Variants in RNF144A observed in about 807,000 individuals in gnomAD.
RNF144A encodes ring finger protein 144A.
RNF144A carries 11 observed loss-of-function variants against 38.7 expected under a neutral mutation model. The ratio of observed to expected loss-of-function variants is 0.28; its 90% CI spans 0.18 to 0.47. RNF144A has a LOEUF of 0.47. Among genes scored for constraint, RNF144A ranks in the 20% least tolerant of loss-of-function variants. RNF144A has a pLI of 0.99. For missense variants in RNF144A, 316 were observed against 377.2 expected, an observed-to-expected ratio of 0.84 and a Z score of 1.34; for synonymous variants, 149 against 143.9, an observed-to-expected ratio of 1.04 and a Z score of -0.25.
downstream of RNF144A, among the ~76,000 whole-genome samples, chr2:7,070,474 A>G (rs562908357): frequency 2.6e-5 from 4 of 152,368 alleles, no homozygotes; most frequent in Admixed American, 6.5e-5. Context: ...TACTACTAGT[A>G]TGAGCCTGTT....
In RNF144A at chr2:7,004,582, G is replaced by A. The variant is rs564278694; in HGVS notation, c.135+7521G>A. 4.6e-5 allele frequency among the ~76,000 whole-genome samples: 7 copies of A among 152,328 alleles called. 1 individual carries two copies. The South Asian group carries it at 1.0e-3, about 23-fold the overall frequency. On this transcript the variant is annotated intron_variant, in intron 3 of 8. Transcript: ENST00000320892. ...GCATTCTTGATTTGAAACTTATCCT[G>A]TACAGGAAGCGCCTTCCTGAGTGAA...
intron 2 of RNF144A, among the ~76,000 whole-genome samples, chr2:6,982,115 T>A (rs1366019308): frequency 2.6e-5 from 4 of 152,206 alleles, no homozygotes; most frequent in Non-Finnish European, 5.9e-5. Flanking sequence ...TCCCACCAGG[T>A]CTGTTCATGG....
intron 3 of RNF144A, among the ~76,000 whole-genome samples, chr2:7,012,637 G>A (rs182968560): frequency 1.1e-4 from 17 of 152,334 alleles, no homozygotes; most frequent in Admixed American, 7.2e-4. Flanking sequence ...CACTTAACAC[G>A]TCTGCGGATG....
At chr2:6,985,871 T>G (rs563125446) in intron 2 of RNF144A, among the ~76,000 whole-genome samples, 1 of 152,298 alleles carries the variant, frequency 6.6e-6, no homozygotes, top group South Asian at 2.1e-4. Context: ...AGGCGGGGTT[T>G]CACCGTGTTA....
chr2:6,980,140 A>T lies in RNF144A; in HGVS notation c.-11-16776A>T, dbSNP rs528155842. Among the ~76,000 whole-genome samples the T allele has an allele frequency of 2.6e-5, 4 of 152,322 alleles. No homozygotes were observed. In the South Asian group the frequency reaches 8.3e-4, roughly 32 times the overall value. ...GTCTGTTGTCCCTCAACATGTGAAG[A>T]TTACAATTTGACATGAGGATTTGGG... On this transcript the variant is annotated intron_variant, in intron 2 of 8. Coordinates refer to ENST00000320892, the MANE Select transcript of RNF144A (RefSeq NM_014746.6).
At chr2:6,980,321 GAGACA>G (rs1463241403) in intron 2 of RNF144A, among the ~76,000 whole-genome samples, 1 of 152,192 alleles carries the variant, frequency 6.6e-6, no homozygotes, top group African/African-American at 2.4e-5. Context: ...AGTCTCATCT[GAGACA>G]AGACAAGTCC....
chr2:6,928,898 C>T (rs1449674055), intron 1 of RNF144A, among the ~76,000 whole-genome samples: 1 of 152,174 alleles, frequency 6.6e-6, no homozygotes, highest in Non-Finnish European at 1.5e-5. Context: ...CTCTTCCTGC[C>T]ACTTCTGGGG....
At chr2:6,969,449 C>T (rs990835591) in intron 2 of RNF144A, among the ~76,000 whole-genome samples, 4 of 152,154 alleles carry the variant, frequency 2.6e-5, no homozygotes, top group African/African-American at 4.8e-5. Context: ...TCCTTCCTCC[C>T]AGCCTCAGAA....
intron 6 of RNF144A, among the ~76,000 whole-genome samples, chr2:7,049,223 T>C (rs309293): frequency 0.59 from 89,302 of 152,014 alleles, 26,698 homozygotes; most frequent in South Asian, 0.89. Flanking sequence ...GGGTAAGGGA[T>C]GAGAAACAGA....
At chr2:6,972,879 A>G (rs980530462) in intron 2 of RNF144A, among the ~76,000 whole-genome samples, 9 of 152,202 alleles carry the variant, frequency 5.9e-5, no homozygotes, top group African/African-American at 1.9e-4. Flanking sequence ...CAGTGGGGGT[A>G]ATAGTTATAA....
chr2:7,050,682 C>A (rs552509880), intron 6 of RNF144A, among the ~76,000 whole-genome samples: 16 of 152,320 alleles, frequency 1.1e-4, no homozygotes, highest in African/African-American at 3.8e-4. Context: ...GCCTATATTT[C>A]AGTAGCATAA....
At position 7,043,520 on chromosome 2, in the gene RNF144A, C is replaced by G; in HGVS notation, c.*3760C>G. ...GGGAAAACATTTTGCATGTGTAAAG[C>G]TTCATGAAGTTCTCTTTAAAAAATA... On this transcript the variant is annotated 3_prime_UTR_variant, in exon 9 of 9. Coordinates refer to ENST00000320892, the MANE Select transcript of RNF144A (RefSeq NM_014746.6). 1 of 985,484 alleles carries G rather than the reference C, an allele frequency of 1.0e-6. No individual in the cohort carries two copies. The highest frequency in any genetic ancestry group is 1.2e-6 in the Non-Finnish European group (1 of 829,694). The allele number at this position is 985,484 out of a possible 1,614,324, so 61.0% of individuals were successfully genotyped here.
intron 3 of RNF144A, among the ~76,000 whole-genome samples, chr2:7,000,117 A>C: frequency 6.6e-6 from 1 of 152,252 alleles, no homozygotes; most frequent in African/African-American, 2.4e-5. Context: ...TGCCTGGTGG[A>C]TTCTTCGTGA....
intron 7 of RNF144A, among the ~76,000 whole-genome samples, chr2:7,027,032 A>G (rs1671949373): frequency 6.6e-6 from 1 of 152,282 alleles, no homozygotes; most frequent in African/African-American, 2.4e-5. Context: ...CGACAAGCAC[A>G]TAAATGCACG....
At chr2:6,988,748 AC>A (rs1355685579) in intron 2 of RNF144A, among the ~76,000 whole-genome samples, 3 of 152,104 alleles carry the variant, frequency 2.0e-5, no homozygotes, top group Admixed American at 6.5e-5. Flanking sequence ...GTCATTCTCT[AC>A]AGCCCACTTC....
At chr2:6,938,952 G>A (rs1224761233) in intron 1 of RNF144A, among the ~76,000 whole-genome samples, 2 of 152,000 alleles carry the variant, frequency 1.3e-5, no homozygotes, top group Admixed American at 6.6e-5. Context: ...GCATAGATTT[G>A]CCTCAGTCTT....
At chr2:6,979,084 T>C (rs753645374) in intron 2 of RNF144A, among the ~76,000 whole-genome samples, 1 of 152,146 alleles carries the variant, frequency 6.6e-6, no homozygotes, top group Non-Finnish European at 1.5e-5. Flanking sequence ...TGAGTGCCTA[T>C]TGGAGTCTAA....
rs138103756 is a variant in RNF144A at position 6,937,575 on chromosome 2, G to T, written c.-211-3373G>T. Among the ~76,000 whole-genome samples, 3 of 152,340 alleles carry T rather than the reference G, an allele frequency of 2.0e-5. No homozygotes were observed. The East Asian group carries it at 5.8e-4, about 29-fold the overall frequency. On this transcript the variant is annotated intron_variant, in intron 1 of 8. Transcript: ENST00000320892. ...AAAAATGGCAGAAGCTGTAGTAAAAGACACTATATTGTCTTTTGTTTGAAG... is the reference window on the plus strand; with the variant it reads ...AAAAATGGCAGAAGCTGTAGTAAAATACACTATATTGTCTTTTGTTTGAAG...
intron 6 of RNF144A, among the ~76,000 whole-genome samples, chr2:7,067,054 T>C (rs2103483290): frequency 6.6e-6 from 1 of 152,302 alleles, no homozygotes; most frequent in South Asian, 2.1e-4. Context: ...AGCAAATCAG[T>C]CTTTGCTTAT....
Sources: gnomAD v4.1 joint callset for allele counts (sites outside exome capture counted in the v4.1 genomes callset) on GRCh38, gnomAD v4.1.1 for gene constraint, MANE v1.5 for transcripts, NCBI Gene and HGNC (gene_info 2026-07-23, HGNC 2026-07-21) for gene names.